GRIN2A: variants seen among roughly 807,000 people sequenced by gnomAD.
The protein encoded by GRIN2A is glutamate ionotropic receptor NMDA type subunit 2A.
A neutral mutation model predicts 113.4 loss-of-function variants in GRIN2A; 22 were observed. The ratio of observed to expected loss-of-function variants is 0.19; its 90% CI spans 0.14 to 0.28. The LOEUF is 0.28. Among genes scored for constraint, GRIN2A ranks in the 10% least tolerant of loss-of-function variants. GRIN2A has a pLI of 1.00. For synonymous variants in GRIN2A, 827 were observed against 738.4 expected (o/e 1.12, Z -1.94); for missense variants, 1,502 against 1,887.0 (o/e 0.80, Z 3.78).
rs71133304 is a variant in GRIN2A, at chr16:10,055,047, CAAAAAAAAAAAAAAAAA to C, written c.415-116513_415-116497del. 2.5e-3 allele frequency among the ~76,000 whole-genome samples: 26 copies of C among 10,398 alleles called. No homozygotes were observed. In the South Asian group the frequency reaches 0.091, roughly 36 times the overall value. The allele number at this position is 10,398 out of a possible 152,430, so 6.8% of individuals were successfully genotyped here. ...CAGGCAACAGAGCGAGACTCTATCT[CAAAAAAAAAAAAAAAAA>C]AAAAAAAAAAAAAAAAAAAAAGAAA... On this transcript the variant is annotated intron_variant, in intron 2 of 12. Transcript: ENST00000330684.
chr16:10,085,543 T>C (rs367662093), intron 2 of GRIN2A, among the ~76,000 whole-genome samples: 77 of 152,302 alleles, frequency 5.1e-4, no homozygotes, highest in African/African-American at 1.7e-3. Flanking sequence ...AACCACTTCA[T>C]GCAAACAGAA....
chr16:9,806,029 C>G (rs984570038), intron 10 of GRIN2A, among the ~76,000 whole-genome samples: 2 of 152,190 alleles, frequency 1.3e-5, no homozygotes, highest in African/African-American at 4.8e-5. Flanking sequence ...GTTATACCAA[C>G]ATTGATGAAT....
intron 4 of GRIN2A, among the ~76,000 whole-genome samples, chr16:9,879,458 G>A (rs1432123419): frequency 3.3e-5 from 5 of 152,144 alleles, no homozygotes. Flanking sequence ...GCATCTGCCA[G>A]AGAATCAGTG....
chr16:9,880,062 G>A (rs1159599635), intron 4 of GRIN2A, among the ~76,000 whole-genome samples: 1 of 152,132 alleles, frequency 6.6e-6, no homozygotes, highest in African/African-American at 2.4e-5. Context: ...AGTTCTGCAG[G>A]TCAGAAGTCC....
At chr16:10,156,334 C>T (rs189878909) in intron 2 of GRIN2A, among the ~76,000 whole-genome samples, 41 of 152,294 alleles carry the variant, frequency 2.7e-4, no homozygotes, top group South Asian at 1.0e-3. Flanking sequence ...AAAACCCAAA[C>T]GATTAAACTG....
At chr16:10,027,555 T>G (rs1164163415) in intron 2 of GRIN2A, 1 of 152,284 alleles carries the variant, frequency 6.6e-6, no homozygotes, top group African/African-American at 2.4e-5. Flanking sequence ...ATCCTGCTCT[T>G]ACTACCTTCC....
At position 9,761,741 on chromosome 16, in the gene GRIN2A, T is replaced by C. The variant is rs1900591670; in HGVS notation, c.*1408A>G. ...TAAAAAAAAAATGGATATCATTTCA[T>C]GTCATATATGCACAGGTTTGAGGAG... On this transcript the variant is annotated 3_prime_UTR_variant, in exon 13 of 13. Coordinates refer to ENST00000330684, the MANE Select transcript of GRIN2A (RefSeq NM_001134407.3). 1 of 217,778 alleles carries C rather than the reference T, an allele frequency of 4.6e-6. No homozygotes were observed. Among genetic ancestry groups the C allele is most frequent in the South Asian group, 1.9e-4 (1 of 5,368 alleles). 13.5% of individuals were successfully genotyped at this position (217,778 alleles called of 1,614,324 possible).
chr16:9,952,531 G>C (rs781750302), intron 2 of GRIN2A, among the ~76,000 whole-genome samples: 82 of 152,154 alleles, frequency 5.4e-4, no homozygotes, highest in Non-Finnish European at 1.0e-3. Flanking sequence ...GTAGGTCCAT[G>C]CCTCTCTGGC....
chr16:9,861,192 C>T (rs896585786), intron 4 of GRIN2A, among the ~76,000 whole-genome samples: 2 of 152,082 alleles, frequency 1.3e-5, no homozygotes, highest in Admixed American at 6.5e-5. Context: ...TGCAAACCTT[C>T]GGAGTATGTT....
chr16:10,032,343 C>T lies in GRIN2A; in HGVS notation c.415-93792G>A, dbSNP rs981668595. 2.6e-5 allele frequency among the ~76,000 whole-genome samples: 4 copies of T among 152,178 alleles called. No individual in the cohort carries two copies. In the East Asian group the frequency reaches 5.8e-4, roughly 22 times the overall value. ...TAAACAACAATTGGCGCACACTGTACAAATTAAGTGATTTTTTTTAAATGT... is the reference window on the plus strand; with the variant it reads ...TAAACAACAATTGGCGCACACTGTATAAATTAAGTGATTTTTTTTAAATGT... On this transcript the variant is annotated intron_variant, in intron 2 of 12. Coordinates refer to ENST00000330684, the MANE Select transcript of GRIN2A (RefSeq NM_001134407.3).
intron 2 of GRIN2A, among the ~76,000 whole-genome samples, chr16:10,145,023 C>T (rs959668491): frequency 3.3e-5 from 5 of 150,596 alleles, no homozygotes; most frequent in Admixed American, 6.6e-5. Context: ...AAAAAAAGTC[C>T]GCTATTTGCA....
intron 2 of GRIN2A, among the ~76,000 whole-genome samples, chr16:9,968,030 T>A (rs2045589845): frequency 6.6e-6 from 1 of 152,212 alleles, no homozygotes; most frequent in South Asian, 2.1e-4. Context: ...AGTCCCCATC[T>A]ATTATCTCAC....
rs1314504972 is a variant in GRIN2A, at chr16:9,915,811, T to C, written c.1007+22148A>G. Among the ~76,000 whole-genome samples the C allele has an allele frequency of 1.3e-5, 2 of 152,338 alleles. 1 individual carries two copies. Among genetic ancestry groups the C allele is most frequent in the East Asian group, 3.9e-4 (2 of 5,186 alleles). The stretch of plus-strand genomic sequence containing the variant: ...CTTTGAGCCTCCGTTTTTTCATCTG[T>C]TAAATGGAGATACTAATGGCACCTA... On this transcript the variant is annotated intron_variant, in intron 3 of 12. Coordinates refer to ENST00000330684, the MANE Select transcript of GRIN2A (RefSeq NM_001134407.3).
At chr16:10,021,618 T>C (rs2046723922) in intron 2 of GRIN2A, among the ~76,000 whole-genome samples, 2 of 152,076 alleles carry the variant, frequency 1.3e-5, no homozygotes. Context: ...AAGCCCTTTC[T>C]CAGGAGATGA....
At chr16:9,874,356 C>T (rs1203980999) in intron 4 of GRIN2A, among the ~76,000 whole-genome samples, 2 of 152,146 alleles carry the variant, frequency 1.3e-5, no homozygotes, top group Admixed American at 6.5e-5. Context: ...CAGAGGAATG[C>T]TGATTCGTTT....
intron 2 of GRIN2A, among the ~76,000 whole-genome samples, chr16:10,023,909 A>G (rs2046770883): frequency 6.6e-6 from 1 of 152,124 alleles, no homozygotes; most frequent in Non-Finnish European, 1.5e-5. Context: ...TTAAGCATAA[A>G]CCTTAGGCCA....
intron 11 of GRIN2A, among the ~76,000 whole-genome samples, chr16:9,793,524 T>A (rs1464549368): frequency 6.6e-6 from 1 of 152,102 alleles, no homozygotes; most frequent in African/African-American, 2.4e-5. Flanking sequence ...ACTCAAGTGT[T>A]ACCTTTTAGG....
intron 2 of GRIN2A, among the ~76,000 whole-genome samples, chr16:10,040,523 C>G (rs531566486): frequency 1.8e-4 from 28 of 151,688 alleles, no homozygotes; most frequent in African/African-American, 6.5e-4. Flanking sequence ...AACACACATC[C>G]ACACCACATA....
intron 4 of GRIN2A, among the ~76,000 whole-genome samples, chr16:9,871,632 T>C (rs2043262643): frequency 6.6e-6 from 1 of 152,192 alleles, no homozygotes; most frequent in Admixed American, 6.5e-5. Context: ...GGTGACCATG[T>C]TCCAATCAAT....
Sources: gnomAD v4.1 joint callset for allele counts (sites outside exome capture counted in the v4.1 genomes callset) on GRCh38, gnomAD v4.1.1 for gene constraint, MANE v1.5 for transcripts, NCBI Gene and HGNC (gene_info 2026-07-23, HGNC 2026-07-21) for gene names.